PFKM: variants seen among roughly 807,000 people sequenced by gnomAD.
PFKM encodes ATP-dependent 6-phosphofructokinase, muscle type.
Under a neutral mutation model 95.5 loss-of-function variants are expected in PFKM, and 58 were observed. The ratio of observed to expected loss-of-function variants is 0.61; its 90% CI spans 0.49 to 0.76. The LOEUF is 0.76. Among genes scored for constraint, PFKM ranks in the 30% least tolerant of loss-of-function variants. PFKM has a pLI of 0.00. For synonymous variants in PFKM, 336 were observed against 357.2 expected (o/e 0.94, Z 0.67); for missense variants, 678 against 1,005.4 (o/e 0.67, Z 4.40).
intron 1 of PFKM, among the ~76,000 whole-genome samples, chr12:48,120,801 T>C (rs1170668854): frequency 6.6e-6 from 1 of 152,214 alleles, no homozygotes; most frequent in East Asian, 1.9e-4. Flanking sequence ...GGCTGTTGTA[T>C]GCTGACCCCT....
chr12:48,105,820 C>T (rs536294832), upstream of PFKM: 84 of 595,138 alleles, frequency 1.4e-4, no homozygotes, highest in African/African-American at 1.5e-3. Flanking sequence ...GGTAGCCTAA[C>T]GGCCACCGGC....
intron 9 of PFKM, 67 bp from the exon 10 acceptor site, chr12:48,135,224 G>A (rs1565892189): frequency 7.2e-7 from 1 of 1,384,862 alleles, no homozygotes; most frequent in East Asian, 2.3e-5. Context: ...GTTTACCCAA[G>A]TCTCTGCTTG....
upstream of PFKM, among the ~76,000 whole-genome samples, chr12:48,117,918 C>T (rs1047360891): frequency 9.2e-5 from 14 of 152,034 alleles, no homozygotes; most frequent in African/African-American, 1.9e-4. Context: ...GAGGGGGGAG[C>T]GGGGCTTCCA....
intron 16 of PFKM, 32 bp from the exon 17 acceptor site, chr12:48,141,882 C>G (rs755080599): frequency 1.4e-4 from 221 of 1,613,882 alleles, no homozygotes; most frequent in Non-Finnish European, 1.8e-4. Context: ...CTCCCTCTCC[C>G]CAATCCTGCC....
chr12:48,129,225 T>TTTTTTTTTTTTTTTTTTTTTTTTTTTG (rs1949185621), intron 2 of PFKM, among the ~76,000 whole-genome samples: 1 of 121,788 alleles, frequency 8.2e-6, no homozygotes, highest in Non-Finnish European at 1.7e-5. Flanking sequence ...TTTTTTTTTT[T>TTTTTTTTTTTTTTTTTTTTTTTTTTTG]TTTTTTTTTT....
At chr12:48,139,229 C>T (rs898594557) in intron 11 of PFKM, 56 bp from the exon 12 acceptor site, 6 of 1,372,310 alleles carry the variant, frequency 4.4e-6, no homozygotes, top group Middle Eastern at 2.1e-4. Flanking sequence ...GATGGAGTTC[C>T]AGCTGTGCAG....
In PFKM at chr12:48,142,019, T is replaced by C; in HGVS notation, c.1606T>C (p.Ser536Pro). 1.2e-6 allele frequency: 2 copies of C among 1,614,216 alleles called. No homozygotes were observed. Among genetic ancestry groups the C allele is most frequent in the East Asian group, 2.2e-5 (1 of 44,888 alleles). Residue 536 changes from serine to proline, a missense_variant, in exon 17 of 23, where the codon TCA becomes CCA. Transcript: ENST00000359794. Reference sequence around the variant, plus strand: ...TACAGTCTCCAACAATGTCCCTGGCTCAGACTTCAGCGTTGGGGCTGACAC... The same window carrying C: ...TACAGTCTCCAACAATGTCCCTGGCCCAGACTTCAGCGTTGGGGCTGACAC... ...PATVSNNVPG[S>P]DFSVGADTAL... is the part of the protein sequence containing the mutation.
upstream of PFKM, chr12:48,118,543 A>T (rs1400293959): frequency 6.6e-7 from 1 of 1,524,952 alleles, no homozygotes; most frequent in Non-Finnish European, 8.8e-7. Context: ...AAGCAAGAGG[A>T]GACCCGACTG....
At chr12:48,127,067 A>G (rs1167562580) in intron 2 of PFKM, among the ~76,000 whole-genome samples, 9 of 152,168 alleles carry the variant, frequency 5.9e-5, no homozygotes, top group Non-Finnish European at 1.2e-4. Context: ...GTGCTCACCA[A>G]TGGCTTCTTG....
Position 48,145,400 on chromosome 12 carries a change from C to CA in PFKM, c.2198+85_2198+86insA. 1 of 1,131,758 alleles carries CA rather than the reference C, an allele frequency of 8.8e-7. No homozygotes were observed. The highest frequency in any genetic ancestry group is 1.3e-6 in the Non-Finnish European group (1 of 777,156). The allele number at this position is 1,131,758 out of a possible 1,614,324, so 70.1% of individuals were successfully genotyped here. The stretch of plus-strand genomic sequence containing the variant: ...CTCAACCTGTTCACTGTCTTTAATT[C>CA]TTTTTTTTTTTTAAGGAGTAACACC... On this transcript the variant is annotated intron_variant, in intron 22 of 22. Transcript: ENST00000359794. The surrounding 1 kb of genome is among the most constrained non-coding windows in gnomAD (Gnocchi z 4.3).
chr12:48,111,228 T>A (rs1478319193), intron 3 of PFKM, among the ~76,000 whole-genome samples: 1 of 152,218 alleles, frequency 6.6e-6, no homozygotes, highest in Admixed American at 6.5e-5. Context: ...CATTTGCTCC[T>A]TGTGTCACAG....
chr12:48,130,108 G>T (rs772585043), intron 2 of PFKM, among the ~76,000 whole-genome samples: 10 of 152,178 alleles, frequency 6.6e-5, no homozygotes, highest in Non-Finnish European at 1.2e-4. Context: ...TCAAGGAAAG[G>T]TCTTGGGAAA....
upstream of PFKM, among the ~76,000 whole-genome samples, chr12:48,114,574 G>T (rs1947505592): frequency 6.6e-6 from 1 of 152,128 alleles, no homozygotes; most frequent in African/African-American, 2.4e-5. Context: ...TGGGGAGGAG[G>T]TGAGAGGTCA....
chr12:48,140,224 C>G (rs567460777), intron 13 of PFKM, among the ~76,000 whole-genome samples: 44 of 152,272 alleles, frequency 2.9e-4, no homozygotes, highest in African/African-American at 1.0e-3. Flanking sequence ...TGGGAATAAT[C>G]ACATCTAAGT....
chr12:48,107,470 T>G, intron 2 of PFKM: 2 of 1,504,482 alleles, frequency 1.3e-6, no homozygotes, highest in Non-Finnish European at 1.8e-6. Flanking sequence ...CCTTGTCTCC[T>G]GATCATACTC....
intron 20 of PFKM, among the ~76,000 whole-genome samples, chr12:48,144,729 G>T (rs1449806538): frequency 6.6e-6 from 1 of 152,230 alleles, no homozygotes; most frequent in Admixed American, 6.5e-5. Context: ...GGGGCAGGCA[G>T]CTGACCCATT....
chr12:48,108,536 C>G lies in PFKM; in HGVS notation c.205+342C>G, dbSNP rs148613507. Among the ~76,000 whole-genome samples, 848 of 152,088 alleles carry G rather than the reference C, an allele frequency of 5.6e-3. 4 individuals are homozygous for G. Among genetic ancestry groups the G allele is most frequent in the Middle Eastern group, 0.014 (4 of 294 alleles). On this transcript the variant is annotated intron_variant, in intron 3 of 24. Transcript: ENST00000340802. ...ATCTGGTTTATCCTATTGTCAGCAT[C>G]CTTGATATATAAATATGTGAAACTT...
intron 14 of PFKM, 116 bp downstream of exon 14, chr12:48,140,987 G>C (rs1165589930): frequency 9.0e-7 from 1 of 1,110,862 alleles, no homozygotes; most frequent in African/African-American, 1.5e-5. Flanking sequence ...TCCTCTCTCA[G>C]GGTCCAGGCA....
intron 1 of PFKM, 77 bp downstream of exon 1, chr12:48,119,483 G>C (rs1327734290): frequency 4.7e-6 from 4 of 846,256 alleles, no homozygotes; most frequent in Non-Finnish European, 5.7e-6. Flanking sequence ...GGAGCAGGCG[G>C]TAGGGAGAAC....
Sources: allele counts gnomAD v4.1 joint callset (sites outside exome capture counted in the v4.1 genomes callset), GRCh38; gene constraint gnomAD v4.1.1; non-coding constraint Gnocchi (gnomAD v3.1); transcripts MANE v1.5; gene names NCBI Gene and HGNC (gene_info 2026-07-23, HGNC 2026-07-21).